CATSPERB: variants seen among roughly 807,000 people sequenced by gnomAD.
CATSPERB encodes the protein catsper channel auxiliary subunit beta.
A neutral mutation model predicts 128.3 loss-of-function variants in CATSPERB; 93 were observed. The ratio of observed to expected loss-of-function variants is 0.72; its 90% confidence interval spans 0.61 to 0.86. The LOEUF is 0.86. CATSPERB is among the 40% of genes least tolerant of loss of function. The probability of loss-of-function intolerance (pLI) is 0.00; values close to 1 mark genes in which losing one functional copy is unlikely to be tolerated. For synonymous variants in CATSPERB, 381 were observed against 448.8 expected, an observed-to-expected ratio of 0.85 and a Z score of 1.91; for missense variants, 1,153 against 1,329.5, an observed-to-expected ratio of 0.87 and a Z score of 2.06.
chr14:91,716,318 C>T (rs147710761), intron 5 of CATSPERB, among the ~76,000 whole-genome samples: 2 of 152,318 alleles, frequency 1.3e-5, no homozygotes, highest in East Asian at 3.9e-4. Context: ...AGTCTGGGCA[C>T]GGTGGCTCAC....
chr14:91,640,962 T>C (rs563302324), intron 15 of CATSPERB, among the ~76,000 whole-genome samples: 2 of 151,370 alleles, frequency 1.3e-5, no homozygotes, highest in Non-Finnish European at 2.9e-5. Context: ...ATAGTGGTTT[T>C]GATTTGCATT....
At position 91,659,961 on chromosome 14, in the gene CATSPERB, G is replaced by T; in HGVS notation, c.1308C>A (p.Gly436=). Residue 436 remains glycine, a synonymous_variant, in exon 15 of 27, where the codon GGC becomes GGA. Coordinates refer to ENST00000256343, the MANE Select transcript of CATSPERB (RefSeq NM_024764.4). ...TAGCTATTAATTGAAAGGTGTTGCC[G>T]CCATCAACTGAAAGCCATATCTAAA... ...YGNQIWLSVD[G]GNTFQLIANF... The T allele has an allele frequency of 1.3e-6, 2 of 1,583,358 alleles. No individual in the cohort carries two copies. The highest frequency in any genetic ancestry group is 1.9e-5 in the Admixed American group (1 of 51,960).
intron 14 of CATSPERB, among the ~76,000 whole-genome samples, chr14:91,665,803 G>T (rs2139825921): frequency 6.6e-6 from 1 of 152,196 alleles, no homozygotes; most frequent in South Asian, 2.1e-4. Context: ...CCGGGAGGTG[G>T]TGGTCGCAGT....
chr14:91,729,710 T>C (rs1017883976), intron 1 of CATSPERB, among the ~76,000 whole-genome samples: 3 of 152,200 alleles, frequency 2.0e-5, no homozygotes, highest in Non-Finnish European at 4.4e-5. Flanking sequence ...AAAAGAGATG[T>C]GGCTCAGGTT....
chr14:91,725,014 T>C, intron 3 of CATSPERB, 66 bp downstream of exon 3: 2 of 698,334 alleles, frequency 2.9e-6, no homozygotes, highest in Non-Finnish European at 4.6e-6. Context: ...TACAATGCTA[T>C]TGGTTTTACA....
At chr14:91,679,547 G>A (rs1217812621) in intron 11 of CATSPERB, among the ~76,000 whole-genome samples, 7 of 151,784 alleles carry the variant, frequency 4.6e-5, no homozygotes, top group Non-Finnish European at 8.8e-5. Flanking sequence ...GATTTTTGAT[G>A]GCTTAAAAAA....
chr14:91,594,943 A>G (rs1399443551), intron 22 of CATSPERB, among the ~76,000 whole-genome samples: 3 of 152,306 alleles, frequency 2.0e-5, no homozygotes, highest in Non-Finnish European at 2.9e-5. Context: ...AGTGACTCCA[A>G]ATAAAGACAA....
At chr14:91,674,900 G>A (rs1438019588) in intron 11 of CATSPERB, among the ~76,000 whole-genome samples, 2 of 152,154 alleles carry the variant, frequency 1.3e-5, no homozygotes, top group Non-Finnish European at 2.9e-5. Flanking sequence ...ACTCCTGAAT[G>A]CCTCCCACCC....
intron 22 of CATSPERB, among the ~76,000 whole-genome samples, chr14:91,600,633 C>T (rs1453378828): frequency 1.3e-5 from 2 of 151,972 alleles, no homozygotes; most frequent in East Asian, 3.8e-4. Flanking sequence ...TGCAAAATAA[C>T]ATTCACTTTC....
At chr14:91,729,861 A>G (rs56249019) in intron 1 of CATSPERB, among the ~76,000 whole-genome samples, 13,341 of 152,174 alleles carry the variant, frequency 0.088, 635 homozygotes, top group Middle Eastern at 0.12. Context: ...GGGGAAGACA[A>G]TTCACATGGT....
At chr14:91,725,984 C>T (rs1896113647) in intron 2 of CATSPERB, among the ~76,000 whole-genome samples, 1 of 152,226 alleles carries the variant, frequency 6.6e-6, no homozygotes, top group South Asian at 2.1e-4. Context: ...AGAGAAGGAG[C>T]ATCTAAATGC....
In CATSPERB at chr14:91,674,159, A is replaced by G; in HGVS notation, c.978+17T>C. On this transcript the variant is annotated intron_variant, in intron 12 of 26. Coordinates refer to ENST00000256343, the MANE Select transcript of CATSPERB (RefSeq NM_024764.4). Reference sequence around the variant, plus strand: ...CACAACAAAATTTCTTAACTTATAAAATATTCAATATCATACCTCACTTAG... The same window carrying G: ...CACAACAAAATTTCTTAACTTATAAGATATTCAATATCATACCTCACTTAG... 6.3e-6 allele frequency: 9 copies of G among 1,419,856 alleles called. No homozygotes were observed. Among genetic ancestry groups the G allele is most frequent in the Non-Finnish European group, 8.8e-6 (9 of 1,022,502 alleles). The allele number at this position is 1,419,856 out of a possible 1,614,324, so 88.0% of individuals were successfully genotyped here.
chr14:91,715,343 C>G (rs776349654), intron 5 of CATSPERB, among the ~76,000 whole-genome samples: 1 of 151,770 alleles, frequency 6.6e-6, no homozygotes, highest in Non-Finnish European at 1.5e-5. Flanking sequence ...GGGTGGATCA[C>G]CTGAGGTTAG....
At chr14:91,691,586 CT>C (rs1479499550) in intron 9 of CATSPERB, 31 bp from the exon 10 acceptor site, 2 of 1,579,544 alleles carry the variant, frequency 1.3e-6, no homozygotes, top group Admixed American at 3.5e-5. Flanking sequence ...TTAATTTTTG[CT>C]TGCATATCAG....
chr14:91,625,038 G>A, intron 17 of CATSPERB, 31 bp from the exon 18 acceptor site: 24 of 1,414,588 alleles, frequency 1.7e-5, no homozygotes, highest in South Asian at 1.0e-4. Context: ...TAAGCAATTT[G>A]GATAAAACAG....
At chr14:91,636,888 G>A (rs951705202) in intron 16 of CATSPERB, among the ~76,000 whole-genome samples, 4 of 152,212 alleles carry the variant, frequency 2.6e-5, no homozygotes, top group Admixed American at 6.5e-5. Flanking sequence ...TGAGGAGCCT[G>A]GAGATGCAGA....
At chr14:91,697,804 G>C (rs1308542905) in intron 7 of CATSPERB, among the ~76,000 whole-genome samples, 6 of 152,026 alleles carry the variant, frequency 3.9e-5, no homozygotes, top group Admixed American at 3.9e-4. Context: ...GTTTGAAGTT[G>C]GGTAATGTGA....
chr14:91,694,438 CAAAAAAAAAAAAAAAA>C (rs547649333), intron 7 of CATSPERB, among the ~76,000 whole-genome samples: 3 of 65,748 alleles, frequency 4.6e-5, no homozygotes, highest in South Asian at 1.3e-3. Context: ...GACCCTATCT[CAAAAAAAAAAAAAAAA>C]AAAAAAAAAA....
At chr14:91,694,129 T>A (rs1189914056) in intron 7 of CATSPERB, among the ~76,000 whole-genome samples, 1 of 139,764 alleles carries the variant, frequency 7.2e-6, no homozygotes, top group Non-Finnish European at 1.6e-5. Flanking sequence ...TAAAAAAAAA[T>A]TGTGTGCTTT....
Sources: allele counts gnomAD v4.1 joint callset (sites outside exome capture counted in the v4.1 genomes callset), GRCh38; gene constraint gnomAD v4.1.1; transcripts MANE v1.5; gene names NCBI Gene and HGNC (gene_info 2026-07-23, HGNC 2026-07-21).